Variants in ZBTB17 observed in about 807,000 individuals in gnomAD.
ZBTB17 encodes the protein zinc finger and BTB domain containing 17, also known as zinc finger and BTB domain-containing protein 17.
In ZBTB17, 24 loss-of-function variants were observed where a neutral mutation model predicts 85.1. That is an observed-to-expected ratio of 0.28 (90% CI 0.20 to 0.40). ZBTB17 has a LOEUF of 0.40. ZBTB17 is among the 10% of genes least tolerant of loss of function. The probability of loss-of-function intolerance (pLI) is 1.00; values close to 1 mark genes in which losing one functional copy is unlikely to be tolerated. For synonymous variants in ZBTB17, 464 were observed against 460.2 expected (o/e 1.01, Z -0.11); for missense variants, 743 against 1,105.1 (o/e 0.67, Z 4.65).
At chr1:15,947,934 T>C (rs1557778271) in intron 3 of ZBTB17, among the ~76,000 whole-genome samples, 1 of 152,198 alleles carries the variant, frequency 6.6e-6, no homozygotes, top group Non-Finnish European at 1.5e-5. Context: ...CCCACGCTTC[T>C]AGTTAGCACT....
intron 5 of ZBTB17, 117 bp downstream of exon 5, chr1:15,946,037 C>G (rs2071593378): frequency 6.4e-7 from 1 of 1,569,648 alleles, no homozygotes; most frequent in East Asian, 2.2e-5. Context: ...CTGGGTAACA[C>G]AGGCTCAAGA....
chr1:15,965,046 G>A (rs556828012), intron 2 of ZBTB17, among the ~76,000 whole-genome samples: 85 of 151,772 alleles, frequency 5.6e-4, no homozygotes, highest in African/African-American at 1.4e-3. Flanking sequence ...CCTGGGAGGC[G>A]GAGTTTGCAG....
In ZBTB17 at chr1:15,970,009, A is replaced by ATCGAAG. The variant is rs576903398; in HGVS notation, c.-3+3029_-3+3030insCTTCGA. ...CTACAAAATATGTTCGATGGATAGC[A>ATCGAAG]TTCACTGGGATGATGCTTTTCTGTA... is the stretch of plus-strand genomic sequence containing the variant. On this transcript the variant is annotated intron_variant, in intron 2 of 15. Coordinates refer to ENST00000375743, the MANE Select transcript of ZBTB17 (RefSeq NM_003443.3). The ATCGAAG allele has an allele frequency of 1.5e-3, 1,189 of 803,180 alleles. 18 individuals carry two copies. In the South Asian group the frequency reaches 0.016, roughly 11 times the overall value. 49.8% of individuals were successfully genotyped at this position (803,180 alleles called of 1,614,324 possible).
chr1:15,948,347 T>C lies in ZBTB17; in HGVS notation c.149A>G (p.Lys50Arg). The C allele has an allele frequency of 1.2e-6, 2 of 1,614,022 alleles. No homozygotes were observed. Among genetic ancestry groups the C allele is most frequent in the Non-Finnish European group, 1.7e-6 (2 of 1,180,054 alleles). Reference protein sequence around the residue: ...AVLAACSEYFKMLFVDQKDVV... With the variant: ...AVLAACSEYFRMLFVDQKDVV... ...GTCCTTCTGGTCCACGAAGAGCATC[T>C]TGAAGTACTCGCTGCAGGCCGCCAG... The change falls in exon 3 of 16, where the codon AAG becomes AGG. Residue 50 changes from lysine to arginine, a missense_variant. This residue lies in a region of ZBTB17 where 74 missense variants were observed against 142.6 expected (regional missense o/e 0.52). Transcript: ENST00000375743.
intron 2 of ZBTB17, chr1:15,969,899 T>C: frequency 3.2e-6 from 2 of 631,440 alleles, no homozygotes; most frequent in Admixed American, 2.1e-5. Context: ...CGGAGGCAGC[T>C]AGGACTCTGG....
chr1:15,946,003 C>A, intron 5 of ZBTB17, 151 bp downstream of exon 5: 2 of 1,546,232 alleles, frequency 1.3e-6, no homozygotes, highest in Non-Finnish European at 8.8e-7. Context: ...GAAACAGACC[C>A]CCTGGAACAC....
intron 1 of ZBTB17, among the ~76,000 whole-genome samples, chr1:15,974,209 C>A (rs1238966426): frequency 9.8e-4 from 144 of 146,308 alleles, no homozygotes; most frequent in South Asian, 6.8e-3. Flanking sequence ...AAAACAAAAA[C>A]AAAAACAAAA....
In ZBTB17 at chr1:15,964,018, G is replaced by T. The variant is rs1009894477; in HGVS notation, c.-3+9021C>A. ...GCCTGTGATCCCAGCTACTCGAGAA[G>T]CTGAGGCAGGAGGATTGCATAATCC... On this transcript the variant is annotated intron_variant, in intron 2 of 15. Transcript: ENST00000375743. This position sits in a 1 kb window ranked among gnomAD's most constrained non-coding sequence, Gnocchi z 4.3. Among the ~76,000 whole-genome samples, 1 of 151,870 alleles carries T rather than the reference G, an allele frequency of 6.6e-6. No individual in the cohort carries two copies. The highest frequency in any genetic ancestry group is 6.6e-5 in the Admixed American group (1 of 15,250).
intron 2 of ZBTB17, among the ~76,000 whole-genome samples, chr1:15,960,064 CT>C (rs1480657429): frequency 3.9e-5 from 6 of 152,230 alleles, no homozygotes; most frequent in Non-Finnish European, 8.8e-5. Context: ...AGGAAGCCCC[CT>C]GACACTGCGA....
At chr1:15,968,287 C>T (rs1011420661) in intron 2 of ZBTB17, among the ~76,000 whole-genome samples, 2 of 152,174 alleles carry the variant, frequency 1.3e-5, no homozygotes, top group African/African-American at 4.8e-5. Context: ...TTTCTCCAGC[C>T]CCAAATGCCA....
In ZBTB17 at chr1:15,943,672, G is replaced by A; in HGVS notation, c.1503C>T (p.Pro501=). ...RHLRIHSGEK[P]YVCIHCQRQF... The stretch of plus-strand genomic sequence containing the variant: ...GTCGCTGGCAGTGGATGCACACGTA[G>A]GGCTTCTCCCCGCTGTGGATCCGAA... Residue 501 remains proline, a synonymous_variant, in exon 11 of 16, where the codon CCC becomes CCT. Coordinates refer to ENST00000375743, the MANE Select transcript of ZBTB17 (RefSeq NM_003443.3). The A allele has an allele frequency of 6.2e-7, 1 of 1,613,310 alleles. No homozygotes were observed. The highest frequency in any genetic ancestry group is 8.5e-7 in the Non-Finnish European group (1 of 1,179,950).
intron 2 of ZBTB17, among the ~76,000 whole-genome samples, chr1:15,955,484 C>G (rs1473493862): frequency 1.3e-5 from 2 of 152,174 alleles, no homozygotes; most frequent in East Asian, 3.8e-4. Flanking sequence ...AGTACCCATT[C>G]CCAGCATAAG....
rs1467223164 is a variant in ZBTB17, at chr1:15,953,998, G to C, written c.-2-5501C>G. Among the ~76,000 whole-genome samples, 1 of 152,196 alleles carries C rather than the reference G, an allele frequency of 6.6e-6. No individual in the cohort carries two copies. Among genetic ancestry groups the C allele is most frequent in the Admixed American group, 6.5e-5 (1 of 15,272 alleles). ...CTGGGCACATGGGGTACTTGACCTT[G>C]TTAAGAGGTGTAATCATAACCCATC... On this transcript the variant is annotated intron_variant, in intron 2 of 15. Transcript: ENST00000375743. The surrounding 1 kb of genome is among the most constrained non-coding windows in gnomAD (Gnocchi z 5.1).
intron 6 of ZBTB17, 50 bp from the exon 7 acceptor site, chr1:15,945,252 G>A (rs753589897): frequency 3.8e-5 from 59 of 1,538,068 alleles, no homozygotes; most frequent in Middle Eastern, 1.7e-4. Flanking sequence ...CTGCCTGAGC[G>A]CACGTGAGGG....
Position 15,951,322 on chromosome 1 carries a change from A to G in ZBTB17, c.-2-2825T>C, listed in dbSNP as rs569861148. On this transcript the variant is annotated intron_variant, in intron 2 of 15. Transcript: ENST00000375743. The surrounding 1 kb of genome is among the most constrained non-coding windows in gnomAD (Gnocchi z 4.1). The stretch of plus-strand genomic sequence containing the variant: ...GAGAGAAGAAGGAAGGAAGGAAGGG[A>G]GAGAGGGAGGGAGGGAGGGGCCCTG... Among the ~76,000 whole-genome samples, 7 of 141,588 alleles carry G rather than the reference A, an allele frequency of 4.9e-5. 1 individual carries two copies. The South Asian group carries it at 1.8e-3, about 35-fold the overall frequency. The allele number at this position is 141,588 out of a possible 152,430, so 92.9% of individuals were successfully genotyped here.
intron 4 of ZBTB17, 25 bp downstream of exon 4, chr1:15,946,910 T>G: frequency 3.8e-6 from 6 of 1,593,900 alleles, no homozygotes; most frequent in Non-Finnish European, 5.1e-6. Flanking sequence ...GGCCATCTGC[T>G]TGGGAGCAGC....
intron 2 of ZBTB17, among the ~76,000 whole-genome samples, chr1:15,956,866 G>T (rs1021490931): frequency 2.0e-5 from 3 of 152,192 alleles, no homozygotes; most frequent in African/African-American, 7.2e-5. Flanking sequence ...CAGATCGAGA[G>T]GCAGGGGCTA....
At position 15,944,760 on chromosome 1, in the gene ZBTB17, C is replaced by T. The variant is rs1236484983; in HGVS notation, c.1007G>A (p.Cys336Tyr). 1 of 1,612,950 alleles carries T rather than the reference C, an allele frequency of 6.2e-7. No individual in the cohort carries two copies. The change falls in exon 8 of 16, where the codon TGC (cysteine) becomes TAC (tyrosine). Residue 336 changes from cysteine to tyrosine, a missense_variant. Cys to Tyr is a radical substitution (Grantham distance 194). Around this residue, in one of 4 missense-constraint regions of ZBTB17, gnomAD observed 321 missense variants for 615.7 expected, o/e 0.52. Coordinates refer to ENST00000375743, the MANE Select transcript of ZBTB17 (RefSeq NM_003443.3). ...GGAAAAGGCCTTGCTGCACTCCCGG[C>T]ACGAGAAGGGCTTCTCCCCCGTGTG... ...RIHTGEKPFS[C>Y]RECSKAFSDP...
intron 2 of ZBTB17, among the ~76,000 whole-genome samples, chr1:15,959,473 G>A (rs61016253): frequency 3.0e-5 from 4 of 132,612 alleles, no homozygotes; most frequent in Non-Finnish European, 6.3e-5. Context: ...GAACAATGGA[G>A]AGAAAAAGAG....
Sources: allele counts gnomAD v4.1 joint callset (sites outside exome capture counted in the v4.1 genomes callset), GRCh38; gene constraint gnomAD v4.1.1; regional missense constraint gnomAD v4.1.1; non-coding constraint Gnocchi (gnomAD v3.1); transcripts MANE v1.5; gene names NCBI Gene and HGNC (gene_info 2026-07-23, HGNC 2026-07-21).